NCMAP: variants seen among roughly 807,000 people sequenced by gnomAD.
NCMAP encodes noncompact myelin-associated protein.
In NCMAP, 8 loss-of-function variants were observed where a neutral mutation model predicts 7.8. The observed-to-expected ratio is 1.02, with a 90% CI of 0.60 to 1.84. NCMAP has a LOEUF of 1.84. Ranked by LOEUF, NCMAP falls within the 40% of genes most tolerant of loss-of-function variation. The probability of loss-of-function intolerance (pLI) is 0.00; values close to 1 mark genes in which losing one functional copy is unlikely to be tolerated. For missense variants in NCMAP, 112 were observed against 131.4 expected (o/e 0.85, Z 0.72); for synonymous variants, 41 against 52.9 (o/e 0.78, Z 0.98).
chr1:24,590,706 C>G (rs540893471), intron 1 of NCMAP, among the ~76,000 whole-genome samples: 74 of 152,286 alleles, frequency 4.9e-4, no homozygotes, highest in African/African-American at 1.7e-3. Flanking sequence ...CTCCTGGGCT[C>G]AAGTGATCCT....
At chr1:24,577,682 G>GT (rs1260719162) in intron 1 of NCMAP, among the ~76,000 whole-genome samples, 5 of 151,832 alleles carry the variant, frequency 3.3e-5, no homozygotes, top group Non-Finnish European at 7.4e-5. Context: ...TTTCTCAGAA[G>GT]TTTTCAGTTG....
chr1:24,595,569 C>A, intron 2 of NCMAP, 57 bp downstream of exon 2: 16 of 1,380,226 alleles, frequency 1.2e-5, no homozygotes, highest in South Asian at 3.5e-5. Context: ...GTGTCATGGT[C>A]ATAGTGCAGA....
At chr1:24,590,046 C>T (rs147930695) in intron 1 of NCMAP, among the ~76,000 whole-genome samples, 11 of 152,258 alleles carry the variant, frequency 7.2e-5, no homozygotes, top group South Asian at 2.1e-4. Context: ...GTGATCCACC[C>T]GCCTTGGCCT....
intron 1 of NCMAP, among the ~76,000 whole-genome samples, chr1:24,590,607 T>C (rs1485349017): frequency 6.6e-6 from 1 of 152,118 alleles, no homozygotes; most frequent in East Asian, 1.9e-4. Flanking sequence ...TTATTATATT[T>C]ATTTAGTTTT....
intron 1 of NCMAP, among the ~76,000 whole-genome samples, chr1:24,578,460 T>G (rs1651653392): frequency 7.3e-6 from 1 of 137,316 alleles, no homozygotes; most frequent in African/African-American, 2.7e-5. Context: ...TGAAGAGAAA[T>G]TGGGAGTGGG....
intron 1 of NCMAP, among the ~76,000 whole-genome samples, chr1:24,561,324 G>A (rs1026706255): frequency 5.9e-5 from 9 of 152,114 alleles, no homozygotes; most frequent in African/African-American, 2.2e-4. Flanking sequence ...TCCAGCCTGG[G>A]TGACAAGAGT....
At chr1:24,578,271 C>T (rs915969384) in intron 1 of NCMAP, among the ~76,000 whole-genome samples, 2 of 148,510 alleles carry the variant, frequency 1.3e-5, no homozygotes, top group Admixed American at 6.7e-5. Flanking sequence ...AAAAATTGTA[C>T]CAAATAAACT....
intron 1 of NCMAP, among the ~76,000 whole-genome samples, chr1:24,586,396 T>C (rs777495782): frequency 6.6e-6 from 1 of 152,254 alleles, no homozygotes; most frequent in Non-Finnish European, 1.5e-5. Flanking sequence ...TCCTGGCGAA[T>C]GGACAGCAGA....
At chr1:24,561,189 A>AG (rs1651039560) in intron 1 of NCMAP, among the ~76,000 whole-genome samples, 1 of 150,194 alleles carries the variant, frequency 6.7e-6, no homozygotes. Context: ...AAAAAAAAAA[A>AG]AAAAAAAAAT....
intron 1 of NCMAP, among the ~76,000 whole-genome samples, chr1:24,592,824 CAGG>C (rs1652086614): frequency 6.6e-6 from 1 of 152,100 alleles, no homozygotes; most frequent in Non-Finnish European, 1.5e-5. Context: ...GAGGCTGAGG[CAGG>C]AGAATGGCGT....
intron 1 of NCMAP, among the ~76,000 whole-genome samples, chr1:24,580,830 T>TG (rs1316512548): frequency 2.0e-5 from 3 of 152,194 alleles, no homozygotes; most frequent in African/African-American, 4.8e-5. Context: ...CTCCTGAGTC[T>TG]GGGGGGCTTC....
chr1:24,597,623 GAAAGAA>G (rs1557602518), intron 2 of NCMAP, among the ~76,000 whole-genome samples: 41 of 91,514 alleles, frequency 4.5e-4, no homozygotes, highest in African/African-American at 8.0e-4. Context: ...GAAAGAGAAA[GAAAGAA>G]AGAAAGAAAG....
intron 1 of NCMAP, among the ~76,000 whole-genome samples, chr1:24,557,819 C>G (rs1366959994): frequency 6.6e-6 from 1 of 152,126 alleles, no homozygotes; most frequent in Non-Finnish European, 1.5e-5. Flanking sequence ...TGGTGCCAAG[C>G]CAGCCAGCCG....
intron 3 of NCMAP, among the ~76,000 whole-genome samples, chr1:24,604,782 C>A (rs1570544543): frequency 6.7e-6 from 1 of 149,462 alleles, no homozygotes; most frequent in East Asian, 2.0e-4. Context: ...AGTTCAAGAC[C>A]AGCCTGGCCA....
At chr1:24,583,487 G>A (rs549066100) in intron 1 of NCMAP, among the ~76,000 whole-genome samples, 1 of 152,288 alleles carries the variant, frequency 6.6e-6, no homozygotes, top group South Asian at 2.1e-4. Context: ...ACCAAGGCGG[G>A]CGGATCACCT....
At chr1:24,601,446 A>G (rs1177782813) in intron 3 of NCMAP, among the ~76,000 whole-genome samples, 1 of 151,836 alleles carries the variant, frequency 6.6e-6, no homozygotes, top group Non-Finnish European at 1.5e-5. Flanking sequence ...GGGAAATAAA[A>G]GAATATAATT....
chr1:24,603,116 C>T (rs1401306851), intron 3 of NCMAP, among the ~76,000 whole-genome samples: 1 of 151,836 alleles, frequency 6.6e-6, no homozygotes, highest in South Asian at 2.1e-4. Flanking sequence ...GATCTCATAC[C>T]ACATGCCAGG....
At chr1:24,594,767 G>A (rs1226295632) in intron 1 of NCMAP, among the ~76,000 whole-genome samples, 2 of 152,156 alleles carry the variant, frequency 1.3e-5, no homozygotes, top group Non-Finnish European at 1.5e-5. Context: ...GCACATGCCT[G>A]TAGTCCCAGC....
chr1:24,604,998 C>A (rs1159826166), intron 3 of NCMAP, among the ~76,000 whole-genome samples: 1 of 151,834 alleles, frequency 6.6e-6, no homozygotes, highest in Non-Finnish European at 1.5e-5. Flanking sequence ...TGCCTGTGAT[C>A]CCAGCTACTC....
Sources: gnomAD v4.1 joint callset for allele counts (sites outside exome capture counted in the v4.1 genomes callset) on GRCh38, gnomAD v4.1.1 for gene constraint, MANE v1.5 for transcripts, NCBI Gene and HGNC (gene_info 2026-07-23, HGNC 2026-07-21) for gene names.